OPN4: variants seen among roughly 807,000 people sequenced by gnomAD.
OPN4 encodes opsin 4, also known as melanopsin.
A neutral mutation model predicts 49.5 loss-of-function variants in OPN4; 43 were observed. The observed-to-expected ratio is 0.87, with a 90% CI of 0.68 to 1.12. The LOEUF (loss-of-function observed/expected upper bound fraction) is 1.12, where lower values mean the gene tolerates loss of function less well. OPN4 is among the 50% of genes most tolerant of loss of function. The pLI, the probability that OPN4 is intolerant of heterozygous loss-of-function variation, is 0.00. For missense variants in OPN4, 657 were observed against 643.9 expected (o/e 1.02, Z -0.22); for synonymous variants, 263 against 258.0 (o/e 1.02, Z -0.19).
At position 86,662,241 on chromosome 10, in the gene OPN4, G is replaced by A. The variant is rs183694766; in HGVS notation, c.1074-11G>A. 233 of 1,606,560 alleles carry A rather than the reference G, an allele frequency of 1.5e-4. No homozygotes were observed. Among genetic ancestry groups the A allele is most frequent in the Admixed American group, 4.4e-4 (26 of 59,512 alleles). On this transcript the variant is annotated splice_polypyrimidine_tract_variant and intron_variant, in intron 7 of 9. Transcript: ENST00000241891. ...ATCCCCTGGCCCTAATCAGATGTGCGGCCCCTGCAGGGTGGCCATTGCCCA... is the reference window on the plus strand; with the variant it reads ...ATCCCCTGGCCCTAATCAGATGTGCAGCCCCTGCAGGGTGGCCATTGCCCA...
intron 1 of OPN4, 40 bp downstream of exon 1, chr10:86,654,967 T>A: frequency 6.3e-7 from 1 of 1,593,744 alleles, no homozygotes; most frequent in Non-Finnish European, 8.6e-7. Context: ...GAGCCTTCCC[T>A]GACCCCTTCC....
At chr10:86,663,862 A>G (rs779231690) in intron 9 of OPN4, 60 bp downstream of exon 9, 1 of 1,531,344 alleles carries the variant, frequency 6.5e-7, no homozygotes, top group South Asian at 1.2e-5. Context: ...CCAGTAGCCC[A>G]GGGAGAGGCC....
intron 9 of OPN4, 22 bp downstream of exon 9, chr10:86,663,824 C>T: frequency 1.3e-6 from 2 of 1,548,614 alleles, no homozygotes; most frequent in Non-Finnish European, 1.7e-6. Context: ...CGGTACCTGC[C>T]AATCCACAAA....
In OPN4 at chr10:86,658,022, A is replaced by C. The variant is rs758805076; in HGVS notation, c.291-10A>C. ...AGGAAGCGCCTCCTAACAGCTTCTG[A>C]TCCTCCCAGGAGCAGAAGCCTCCGG... is the stretch of plus-strand genomic sequence containing the variant. On this transcript the variant is annotated splice_polypyrimidine_tract_variant and intron_variant, in intron 2 of 9. Coordinates refer to ENST00000241891, the MANE Select transcript of OPN4 (RefSeq NM_033282.4). 1.2e-6 allele frequency: 2 copies of C among 1,610,382 alleles called. No homozygotes were observed. Among genetic ancestry groups the C allele is most frequent in the African/African-American group, 1.3e-5 (1 of 74,758 alleles).
intron 6 of OPN4, among the ~76,000 whole-genome samples, chr10:86,660,421 C>T (rs955897468): frequency 6.6e-6 from 1 of 152,242 alleles, no homozygotes; most frequent in Non-Finnish European, 1.5e-5. Context: ...TCCCTGAGAG[C>T]TGCCCTTCTA....
chr10:86,661,532 G>T, intron 7 of OPN4, 144 bp downstream of exon 7: 1 of 641,320 alleles, frequency 1.6e-6, no homozygotes. Context: ...ACACTGAGTG[G>T]GGTCTGGAGT....
In OPN4 at chr10:86,658,681, G is replaced by T; in HGVS notation, c.622G>T (p.Gly208Cys). 1 of 1,611,904 alleles carries T rather than the reference G, an allele frequency of 6.2e-7. No homozygotes were observed. Reference protein sequence around the residue: ...ALAWSLPPFFGWSAYVPEGLL... With the variant: ...ALAWSLPPFFCWSAYVPEGLL... ...GGCCTGGAGTCTGCCACCCTTCTTC[G>T]GCTGGAGTAAGTGGGCTGCTGGAAC... is the stretch of plus-strand genomic sequence containing the variant. The change falls in exon 4 of 10, where the codon GGC becomes TGC. Residue 208 changes from glycine to cysteine, a missense_variant. Coordinates refer to ENST00000241891, the MANE Select transcript of OPN4 (RefSeq NM_033282.4).
At chr10:86,658,733 G>A in intron 4 of OPN4, 46 bp downstream of exon 4, 2 of 1,594,862 alleles carry the variant, frequency 1.3e-6, no homozygotes, top group South Asian at 2.2e-5. Flanking sequence ...GGGCTGGGAG[G>A]GGCACATTCA....
In OPN4 at chr10:86,659,981, A is replaced by G. The variant is rs1843964592; in HGVS notation, c.887A>G (p.Lys296Arg). ...CTGCAGAGCGAGTGCAAGATGGCCA[A>G]GATCATGCTGCTGGTCATCCTCCTC... ...QRLQSECKMA[K>R]IMLLVILLFV... The change falls in exon 6 of 10, where the codon AAG becomes AGG. Residue 296 changes from lysine (K) to arginine (R), a missense_variant. By Grantham distance (26) the Lys-to-Arg change is conservative (BLOSUM62 2). Transcript: ENST00000241891. 1.9e-6 allele frequency: 3 copies of G among 1,614,230 alleles called. No homozygotes were observed. Among genetic ancestry groups the G allele is most frequent in the Non-Finnish European group, 2.5e-6 (3 of 1,180,026 alleles).
At chr10:86,656,586 T>C (rs1329237831) in intron 2 of OPN4, among the ~76,000 whole-genome samples, 1 of 152,072 alleles carries the variant, frequency 6.6e-6, no homozygotes, top group Non-Finnish European at 1.5e-5. Context: ...TCTCTGACCA[T>C]TCTGCCCTGC....
intron 6 of OPN4, among the ~76,000 whole-genome samples, chr10:86,660,904 A>G (rs1297986879): frequency 1.3e-5 from 2 of 152,212 alleles, no homozygotes; most frequent in African/African-American, 2.4e-5. Context: ...AGGCAAGTGG[A>G]TTACCTGAGG....
In OPN4 at chr10:86,660,838, T is replaced by C. The variant is rs114489764; in HGVS notation, c.966-443T>C. ...CTACTCACTCAGATCAGAATTCTCCTGGCATAGGCCAGGCATGGTGGCTCA... is the reference window on the plus strand; with the variant it reads ...CTACTCACTCAGATCAGAATTCTCCCGGCATAGGCCAGGCATGGTGGCTCA... On this transcript the variant is annotated intron_variant, in intron 6 of 9. Transcript: ENST00000241891. Among the ~76,000 whole-genome samples, 525 of 152,134 alleles carry C rather than the reference T, an allele frequency of 3.5e-3. 4 individuals carry two copies. Among genetic ancestry groups the C allele is most frequent in the African/African-American group, 0.012 (501 of 41,560 alleles).
rs1263465465 is a variant in OPN4, at chr10:86,664,079, G to A, written c.1398+277G>A. 2.5e-5 allele frequency: 10 copies of A among 400,122 alleles called. No homozygotes were observed. In the East Asian group the frequency reaches 4.5e-4, roughly 18 times the overall value. 24.8% of individuals were successfully genotyped at this position (400,122 alleles called of 1,614,324 possible). ...GCATGGTGCTGTTGGCTGTGCTGTG[G>A]CATGATAAGAGTACATGTGTGTGTT... On this transcript the variant is annotated intron_variant, in intron 9 of 9. Coordinates refer to ENST00000241891, the MANE Select transcript of OPN4 (RefSeq NM_033282.4).
Position 86,654,658 on chromosome 10 carries a change from A to G in OPN4, c.-126A>G. ...ATCTGCGCCGGACACAGGAGAAAGC[A>G]GCGGGTAGGCTAAGCAGGGGTGCTG... On this transcript the variant is annotated 5_prime_UTR_variant, in exon 1 of 10. Coordinates refer to ENST00000241891, the MANE Select transcript of OPN4 (RefSeq NM_033282.4). 1 of 1,345,498 alleles carries G rather than the reference A, an allele frequency of 7.4e-7. No homozygotes were observed. Among genetic ancestry groups the G allele is most frequent in the Non-Finnish European group, 1.0e-6 (1 of 981,206 alleles). 83.3% of individuals were successfully genotyped at this position (1,345,498 alleles called of 1,614,324 possible).
At position 86,658,109 on chromosome 10, in the gene OPN4, AG is replaced by A. The variant is rs571378526; in HGVS notation, c.370del (p.Ala124ProfsTer35). On this transcript the variant is annotated frameshift_variant, in exon 3 of 10. Coordinates refer to ENST00000241891, the MANE Select transcript of OPN4 (RefSeq NM_033282.4). LOFTEE classifies it high-confidence loss of function. Reference protein sequence around the residue: ...AVSDFLMSFTQAPVFFTSSLY... With the variant: ...AVSDFLMSFTXAPVFFTSSLY... ...AGCGACTTCCTCATGTCCTTCACCC[AG>A]GCCCCTGTCTTCTTCACCAGTAGCC... 2.7e-3 allele frequency: 4,316 copies of A among 1,614,156 alleles called. 11 individuals are homozygous for A. The highest frequency in any genetic ancestry group is 3.2e-3 in the Non-Finnish European group (3,805 of 1,180,026).
At chr10:86,662,227 CT>C in intron 7 of OPN4, 24 bp from the exon 8 acceptor site, 1 of 1,602,570 alleles carries the variant, frequency 6.2e-7, no homozygotes. Context: ...TCCCCTGGCC[CT>C]AATCAGATGT....
chr10:86,661,171 T>A, intron 6 of OPN4, 110 bp from the exon 7 acceptor site: 1 of 838,114 alleles, frequency 1.2e-6, no homozygotes, highest in Non-Finnish European at 2.0e-6. Context: ...CTGACTTAGC[T>A]GTGCTGGTTT....
At chr10:86,665,054 C>G (rs1240390439) in intron 9 of OPN4, among the ~76,000 whole-genome samples, 1 of 152,144 alleles carries the variant, frequency 6.6e-6, no homozygotes, top group Non-Finnish European at 1.5e-5. Context: ...GGGGGGAGCA[C>G]TGAGCTGTCC....
rs373627847 is a variant in OPN4 at position 86,658,373 on chromosome 10, G to T, written c.425-111G>T. On this transcript the variant is annotated intron_variant, in intron 3 of 9. Coordinates refer to ENST00000241891, the MANE Select transcript of OPN4 (RefSeq NM_033282.4). The stretch of plus-strand genomic sequence containing the variant: ...CCTTGGCCAGATGTGGCAGGTGGAG[G>T]GGGTGGAGTGCGCTCAGTCCTGCTC... 8 of 1,290,780 alleles carry T rather than the reference G, an allele frequency of 6.2e-6. No individual in the cohort carries two copies. In the African/African-American group the frequency reaches 1.0e-4, roughly 17 times the overall value. 80.0% of individuals were successfully genotyped at this position (1,290,780 alleles called of 1,614,324 possible).
Sources: allele counts gnomAD v4.1 joint callset (sites outside exome capture counted in the v4.1 genomes callset), GRCh38; gene constraint gnomAD v4.1.1; transcripts MANE v1.5; gene names NCBI Gene and HGNC (gene_info 2026-07-23, HGNC 2026-07-21).